Variants in CPEB4 observed in about 807,000 individuals in gnomAD.
CPEB4 encodes the protein cytoplasmic polyadenylation element-binding protein 4.
In CPEB4, 12 loss-of-function variants were observed where a neutral mutation model predicts 72.5. The observed-to-expected ratio is 0.17, with a 90% confidence interval of 0.11 to 0.27. CPEB4 has a LOEUF of 0.27. Ranked by LOEUF, CPEB4 falls within the 10% of genes least tolerant of loss-of-function variation. The pLI is 1.00. For synonymous variants in CPEB4, 302 were observed against 326.3 expected, an observed-to-expected ratio of 0.93 and a Z score of 0.80; for missense variants, 614 against 908.5, an observed-to-expected ratio of 0.68 and a Z score of 4.17.
At chr5:173,934,845 C>T (rs1757567170) in intron 3 of CPEB4, among the ~76,000 whole-genome samples, 1 of 152,174 alleles carries the variant, frequency 6.6e-6, no homozygotes, top group Non-Finnish European at 1.5e-5. Context: ...AAGATATGCA[C>T]ATTGTCCATT....
rs1758467470 is a variant in CPEB4 at position 173,959,120 on chromosome 5, T to A, written c.*2983T>A. 6.6e-6 allele frequency: 1 copy of A among 151,786 alleles called. No individual in the cohort carries two copies. The highest frequency in any genetic ancestry group is 2.4e-5 in the African/African-American group (1 of 41,434). The allele number at this position is 151,786 out of a possible 1,614,324, so 9.4% of individuals were successfully genotyped here. A position where few individuals can be genotyped will look rare whatever the true frequency, so the allele number is the denominator to read the frequency against. ...TGGGAGTTACCATGTAACTCAAACA[T>A]AATTAACATGTAATTAGTTTACAGA... is the stretch of plus-strand genomic sequence containing the variant. On this transcript the variant is annotated 3_prime_UTR_variant, in exon 10 of 10. Transcript: ENST00000265085.
At chr5:173,916,958 C>T (rs1478098046) in intron 2 of CPEB4, among the ~76,000 whole-genome samples, 2 of 152,066 alleles carry the variant, frequency 1.3e-5, no homozygotes, top group African/African-American at 2.4e-5. Context: ...ACTTTTCTTT[C>T]GATACACCAT....
chr5:173,930,743 C>T (rs973494890), intron 2 of CPEB4, among the ~76,000 whole-genome samples: 10 of 151,980 alleles, frequency 6.6e-5, no homozygotes, highest in African/African-American at 2.4e-4. Flanking sequence ...AATCCTAGCA[C>T]TTTGGGAGGC....
rs778043905 is a variant in CPEB4, at chr5:173,890,507, C to G, written c.774C>G (p.Pro258=). Residue 258 remains proline (P), a synonymous_variant, in exon 1 of 10, where the codon CCC becomes CCG. Coordinates refer to ENST00000265085, the MANE Select transcript of CPEB4 (RefSeq NM_030627.4). The part of the protein sequence containing the change: ...QQRRSPASPH[P]PPFTHRNAAF... The stretch of plus-strand genomic sequence containing the variant: ...GGAGGTCTCCTGCCAGTCCCCATCC[C>G]CCACCCTTCACACATAGAAATGCTG... 5.0e-6 allele frequency: 8 copies of G among 1,613,402 alleles called. No homozygotes were observed. The highest frequency in any genetic ancestry group is 5.9e-6 in the Non-Finnish European group (7 of 1,179,724).
chr5:173,904,059 T>A (rs189473845), intron 1 of CPEB4, among the ~76,000 whole-genome samples: 2 of 152,362 alleles, frequency 1.3e-5, no homozygotes, highest in Admixed American at 1.3e-4. Flanking sequence ...TTAAGCATTG[T>A]GATAAAGTTT....
intron 2 of CPEB4, among the ~76,000 whole-genome samples, chr5:173,924,105 A>G (rs1757162649): frequency 6.6e-6 from 1 of 152,198 alleles, no homozygotes; most frequent in Admixed American, 6.5e-5. Context: ...ATCTGTAGAA[A>G]CATATTCCAT....
chr5:173,946,329 A>G (rs28391057), intron 5 of CPEB4, among the ~76,000 whole-genome samples: 45,829 of 152,030 alleles, frequency 0.3, 7,329 homozygotes, highest in South Asian at 0.47. Context: ...TGCACTAAAA[A>G]TTACAGGGTT....
chr5:173,919,600 T>TA (rs1561616737), intron 2 of CPEB4, among the ~76,000 whole-genome samples: 1 of 152,192 alleles, frequency 6.6e-6, no homozygotes, highest in African/African-American at 2.4e-5. Flanking sequence ...ATCTGCTTAA[T>TA]AAAAAAGCCC....
At chr5:173,911,082 A>T (rs191954249) in intron 2 of CPEB4, among the ~76,000 whole-genome samples, 1 of 115,686 alleles carries the variant, frequency 8.6e-6, no homozygotes, top group East Asian at 2.1e-4. Context: ...GTATTATGTT[A>T]AAAAAAAATA....
chr5:173,921,227 CAG>C (rs1388562689), intron 2 of CPEB4, among the ~76,000 whole-genome samples: 1 of 151,974 alleles, frequency 6.6e-6, no homozygotes, highest in African/African-American at 2.4e-5. Context: ...AGGGTAGAGA[CAG>C]GGGTAGGAGT....
rs146617904 is a variant in CPEB4, at chr5:173,896,834, C to T, written c.1125+5976C>T. Among the ~76,000 whole-genome samples, 88 of 152,184 alleles carry T rather than the reference C, an allele frequency of 5.8e-4. 1 individual carries two copies. In the East Asian group the frequency reaches 0.013, roughly 23 times the overall value. ...TAGTACTTTGGGAGGCCGAGGTGGA[C>T]GGATCACTTGAGCCCAGGAATTTGA... On this transcript the variant is annotated intron_variant, in intron 1 of 9. Transcript: ENST00000265085.
chr5:173,917,729 A>C lies in CPEB4; in HGVS notation c.1207+7125A>C, dbSNP rs955178463. On this transcript the variant is annotated intron_variant, in intron 2 of 9. Coordinates refer to ENST00000265085, the MANE Select transcript of CPEB4 (RefSeq NM_030627.4). ...CGACAAGACTGAAACTCCATCTCAA[A>C]GAAATAAAAAAGAAGAAGAAATGGA... Among the ~76,000 whole-genome samples the C allele has an allele frequency of 2.6e-5, 4 of 152,356 alleles. No homozygotes were observed. In the South Asian group the frequency reaches 8.3e-4, roughly 32 times the overall value.
intron 2 of CPEB4, among the ~76,000 whole-genome samples, chr5:173,921,347 A>T (rs1270365345): frequency 6.6e-6 from 1 of 152,168 alleles, no homozygotes; most frequent in Non-Finnish European, 1.5e-5. Flanking sequence ...AACTTCCCTA[A>T]TTTTTCTGCT....
chr5:173,933,971 C>G (rs1757531793), intron 3 of CPEB4, among the ~76,000 whole-genome samples: 1 of 152,202 alleles, frequency 6.6e-6, no homozygotes, highest in Non-Finnish European at 1.5e-5. Context: ...TTCCTTGAGT[C>G]CAGGAATTCA....
At chr5:173,943,266 C>A (rs1186608899) in intron 4 of CPEB4, among the ~76,000 whole-genome samples, 1 of 152,044 alleles carries the variant, frequency 6.6e-6, no homozygotes. Flanking sequence ...GGATTTGAAT[C>A]AAAATGATTT....
At chr5:173,929,914 A>G (rs1373393816) in intron 2 of CPEB4, among the ~76,000 whole-genome samples, 1 of 152,200 alleles carries the variant, frequency 6.6e-6, no homozygotes, top group African/African-American at 2.4e-5. Flanking sequence ...AAAATGTTTT[A>G]TGATAAATGA....
intron 2 of CPEB4, among the ~76,000 whole-genome samples, chr5:173,923,813 C>A (rs545985189): frequency 1.3e-5 from 2 of 152,048 alleles, no homozygotes; most frequent in Non-Finnish European, 2.9e-5. Flanking sequence ...TCATAACATC[C>A]TCTTAAGGCA....
rs75689079 is a variant in CPEB4, at chr5:173,911,141, C to T, written c.1207+537C>T. On this transcript the variant is annotated intron_variant, in intron 2 of 9. Transcript: ENST00000265085. Reference sequence around the variant, plus strand: ...TCATGTTACTGACAAGTTGTGTTATCTTGAATAAGACATTCTGTTTGACTA... The same window carrying T: ...TCATGTTACTGACAAGTTGTGTTATTTTGAATAAGACATTCTGTTTGACTA... Among the ~76,000 whole-genome samples the T allele has an allele frequency of 1.1e-4, 16 of 152,160 alleles. No individual in the cohort carries two copies. In the East Asian group the frequency reaches 3.1e-3, roughly 29 times the overall value.
At chr5:173,915,136 T>C (rs1756818879) in intron 2 of CPEB4, among the ~76,000 whole-genome samples, 1 of 152,182 alleles carries the variant, frequency 6.6e-6, no homozygotes. Context: ...AAAAACTTTA[T>C]TTTTACTATC....
Sources: allele counts gnomAD v4.1 joint callset (sites outside exome capture counted in the v4.1 genomes callset), GRCh38; gene constraint gnomAD v4.1.1; transcripts MANE v1.5; gene names NCBI Gene and HGNC (gene_info 2026-07-23, HGNC 2026-07-21).